ZNF738: variants seen among roughly 807,000 people sequenced by gnomAD.
ZNF738 encodes protein ZNF738.
ZNF738 carries 10 observed loss-of-function variants against 9.2 expected under a neutral mutation model. The observed-to-expected ratio is 1.09, with a 90% CI of 0.67 to 1.85. ZNF738 has a LOEUF of 1.85. Ranked by LOEUF, ZNF738 falls within the 40% of genes most tolerant of loss-of-function variation. The probability of loss-of-function intolerance (pLI) is 0.00; values close to 1 mark genes in which losing one functional copy is unlikely to be tolerated. For missense variants in ZNF738, 346 were observed against 283.6 expected (o/e 1.22, Z -1.58); for synonymous variants, 113 against 94.5 (o/e 1.20, Z -1.14).
intron 2 of ZNF738, 103 bp downstream of exon 2, chr19:21,361,961 T>A (rs1330447236): frequency 1.6e-6 from 1 of 607,818 alleles, no homozygotes; most frequent in Non-Finnish European, 3.0e-6. Context: ...CATGCCTGAA[T>A]TTCCAGCTAC....
At position 21,361,746 on chromosome 19, in the gene ZNF738, T is replaced by C; in HGVS notation, c.4-20T>C. 1.3e-6 allele frequency: 1 copy of C among 779,866 alleles called. No individual in the cohort carries two copies. Among genetic ancestry groups the C allele is most frequent in the Non-Finnish European group, 2.4e-6 (1 of 417,476 alleles). The allele number at this position is 779,866 out of a possible 1,614,324, so 48.3% of individuals were successfully genotyped here. A position where few individuals can be genotyped will look rare whatever the true frequency, so the allele number is the denominator to read the frequency against. On this transcript the variant is annotated intron_variant, in intron 1 of 4. Transcript: ENST00000683779. ...AGAGTGTCTAGTGGATATCAGCTTCTGGTTTATTTTCTCCCATAGGACGAC... is the reference window on the plus strand; with the variant it reads ...AGAGTGTCTAGTGGATATCAGCTTCCGGTTTATTTTCTCCCATAGGACGAC...
At chr19:21,364,935 T>C (rs1408679542) in intron 2 of ZNF738, among the ~76,000 whole-genome samples, 2 of 95,390 alleles carry the variant, frequency 2.1e-5, no homozygotes, top group Non-Finnish European at 4.3e-5. Flanking sequence ...TTTTTTTTTT[T>C]TTTTAGTAGA....
chr19:21,360,896 A>G (rs892691321), intron 1 of ZNF738, among the ~76,000 whole-genome samples: 3 of 150,752 alleles, frequency 2.0e-5, no homozygotes, highest in Non-Finnish European at 3.0e-5. Flanking sequence ...GCTCACCACA[A>G]CCTCCGCCTC....
intron 4 of ZNF738, chr19:21,382,012 T>A: frequency 5.4e-6 from 1 of 184,024 alleles, no homozygotes; most frequent in Non-Finnish European, 1.2e-5. Context: ...CTACTTGTGT[T>A]TTTTAAAATA....
rs1211124794 is a variant in ZNF738 at position 21,381,448 on chromosome 19, G to A, written c.320-1418G>A. ...TATAAGAAAGGCCATTACAGACCCT[G>A]GTTTGGACACCAACTTTTACACCTA... is the stretch of plus-strand genomic sequence containing the variant. On this transcript the variant is annotated intron_variant, in intron 4 of 4. Coordinates refer to ENST00000683779, the MANE Select transcript of ZNF738 (RefSeq NM_001355237.2). 5 of 1,434,520 alleles carry A rather than the reference G, an allele frequency of 3.5e-6. No homozygotes were observed. In the Admixed American group the frequency reaches 8.5e-5, roughly 24 times the overall value. 88.9% of individuals were successfully genotyped at this position (1,434,520 alleles called of 1,614,324 possible).
At chr19:21,365,790 T>C (rs553597998) in intron 2 of ZNF738, among the ~76,000 whole-genome samples, 2 of 152,106 alleles carry the variant, frequency 1.3e-5, no homozygotes, top group East Asian at 3.9e-4. Flanking sequence ...ACCCTGTCTC[T>C]ACCAAAAATA....
Position 21,384,983 on chromosome 19 carries a change from T to C in ZNF738, c.*1309T>C, listed in dbSNP as rs1974050528. On this transcript the variant is annotated 3_prime_UTR_variant, in exon 5 of 5. Transcript: ENST00000683779. ...CATACTTTACTACACATAGGAGAAT[T>C]CATGCGGAAGAGAATTTCTACAAAT... is the stretch of plus-strand genomic sequence containing the variant. Among the ~76,000 whole-genome samples, 1 of 152,256 alleles carries C rather than the reference T, an allele frequency of 6.6e-6. No individual in the cohort carries two copies. The highest frequency in any genetic ancestry group is 2.4e-5 in the African/African-American group (1 of 41,474).
In ZNF738 at chr19:21,385,184, C is replaced by T. The variant is rs369110077; in HGVS notation, c.*1510C>T. 5.2e-4 allele frequency among the ~76,000 whole-genome samples: 79 copies of T among 151,796 alleles called. No homozygotes were observed. The highest frequency in any genetic ancestry group is 1.4e-3 in the African/African-American group (60 of 41,410). ...AAAGATAAAAGAGTTTGACTGGGTGCGGTGGCTCATGCCTGTAATCCCAGC... is the reference window on the plus strand; with the variant it reads ...AAAGATAAAAGAGTTTGACTGGGTGTGGTGGCTCATGCCTGTAATCCCAGC... On this transcript the variant is annotated 3_prime_UTR_variant, in exon 5 of 5. Coordinates refer to ENST00000683779, the MANE Select transcript of ZNF738 (RefSeq NM_001355237.2).
intron 4 of ZNF738, chr19:21,377,948 G>T (rs1332985468): frequency 5.1e-6 from 2 of 391,862 alleles, no homozygotes; most frequent in Non-Finnish European, 9.0e-6. Context: ...TCTCTCTGTG[G>T]CTGTTTTATT....
intron 3 of ZNF738, 48 bp from the exon 4 acceptor site, chr19:21,375,821 A>T: frequency 1.3e-6 from 1 of 757,838 alleles, no homozygotes; most frequent in South Asian, 1.4e-5. Context: ...TAGGTAGGTA[A>T]TTAGAGAATA....
chr19:21,363,479 C>T (rs1391522504), intron 2 of ZNF738, among the ~76,000 whole-genome samples: 1 of 152,180 alleles, frequency 6.6e-6, no homozygotes, highest in Admixed American at 6.5e-5. Flanking sequence ...AAGCTACAGG[C>T]AGATGAGTTA....
intron 4 of ZNF738, among the ~76,000 whole-genome samples, chr19:21,376,953 G>T (rs1973935773): frequency 6.6e-6 from 1 of 151,952 alleles, no homozygotes; most frequent in Non-Finnish European, 1.5e-5. Context: ...TGTTGCATAA[G>T]CTATTTTGAA....
intron 2 of ZNF738, among the ~76,000 whole-genome samples, chr19:21,363,483 T>G (rs981696145): frequency 6.6e-6 from 1 of 152,320 alleles, no homozygotes; most frequent in Non-Finnish European, 1.5e-5. Flanking sequence ...TACAGGCAGA[T>G]GAGTTAAGGT....
At position 21,383,532 on chromosome 19, in the gene ZNF738, C is replaced by A; in HGVS notation, c.986C>A (p.Ser329Ter). The A allele has an allele frequency of 1.0e-6, 1 of 952,986 alleles. No homozygotes were observed. Among genetic ancestry groups the A allele is most frequent in the Non-Finnish European group, 1.7e-6 (1 of 596,596 alleles). The allele number at this position is 952,986 out of a possible 1,614,324, so 59.0% of individuals were successfully genotyped here. ...EGCGKAFCQF[S>*]YLTKHKIIHT... Reference sequence around the variant, plus strand: ...TGTGGCAAAGCTTTCTGCCAATTCTCATACCTTACTAAACATAAGATAATT... The same window carrying A: ...TGTGGCAAAGCTTTCTGCCAATTCTAATACCTTACTAAACATAAGATAATT... The change falls in exon 5 of 5, where the codon TCA (serine) becomes TAA (stop). Residue 329 changes from serine to a stop codon, truncating the protein, a stop_gained. Coordinates refer to ENST00000683779, the MANE Select transcript of ZNF738 (RefSeq NM_001355237.2). LOFTEE classifies it low-confidence loss of function (END_TRUNC).
rs1246364119 is a variant in ZNF738 at position 21,388,237 on chromosome 19, G to C, written c.*4563G>C. ...ATTTCTTGAAAAAATTACAGACTTT[G>C]AAAGCAAATGATGTAATTCAACACT... On this transcript the variant is annotated 3_prime_UTR_variant, in exon 5 of 5. Transcript: ENST00000683779. 6.6e-6 allele frequency among the ~76,000 whole-genome samples: 1 copy of C among 152,088 alleles called. No homozygotes were observed. Among genetic ancestry groups the C allele is most frequent in the Non-Finnish European group, 1.5e-5 (1 of 67,984 alleles).
In ZNF738 at chr19:21,387,420, C is replaced by T. The variant is rs1321025847; in HGVS notation, c.*3746C>T. ...GCCAGGCTGGTCTCAAACTCCTGAC[C>T]TCAGGTGATCCGCCCACCTCGGGCC... On this transcript the variant is annotated 3_prime_UTR_variant, in exon 5 of 5. Transcript: ENST00000683779. Among the ~76,000 whole-genome samples the T allele has an allele frequency of 1.3e-5, 2 of 151,220 alleles. No individual in the cohort carries two copies. The highest frequency in any genetic ancestry group is 1.3e-4 in the Admixed American group (2 of 15,176).
Position 21,383,372 on chromosome 19 carries a change from A to G in ZNF738, c.826A>G (p.Thr276Ala). The stretch of plus-strand genomic sequence containing the variant: ...AGGTTTTAACCACTCCACAACTCTT[A>G]CTAGACATAAGGTAATTCATGCTGG... ...GKGFNHSTTLTRHKVIHAGEK... is the reference protein window; with the variant it reads ...GKGFNHSTTLARHKVIHAGEK... The change falls in exon 5 of 5, where the codon ACT becomes GCT. Residue 276 changes from threonine to alanine, a missense_variant. By Grantham distance (58) the Thr-to-Ala change is moderately conservative. Transcript: ENST00000683779. 1 of 1,018,508 alleles carries G rather than the reference A, an allele frequency of 9.8e-7. No homozygotes were observed. The highest frequency in any genetic ancestry group is 1.6e-5 in the African/African-American group (1 of 62,550). The allele number at this position is 1,018,508 out of a possible 1,614,324, so 63.1% of individuals were successfully genotyped here.
chr19:21,380,484 C>T (rs1304377562), intron 4 of ZNF738, among the ~76,000 whole-genome samples: 2 of 152,088 alleles, frequency 1.3e-5, no homozygotes, highest in Non-Finnish European at 2.9e-5. Context: ...TTTGCTTCCT[C>T]ACATAGGGAA....
intron 4 of ZNF738, chr19:21,381,527 T>C: frequency 3.7e-6 from 3 of 806,376 alleles, no homozygotes; most frequent in Non-Finnish European, 6.3e-6. Flanking sequence ...GGAGTCTCAT[T>C]CTGTCACCCA....
Sources: gnomAD v4.1 joint callset for allele counts (sites outside exome capture counted in the v4.1 genomes callset) on GRCh38, gnomAD v4.1.1 for gene constraint, MANE v1.5 for transcripts, NCBI Gene and HGNC (gene_info 2026-07-23, HGNC 2026-07-21) for gene names.